The following HHIP variants were observed in gnomAD, a reference collection of about 807,000 sequenced individuals.
HHIP encodes hedgehog-interacting protein.
In HHIP, 12 loss-of-function variants were observed where a neutral mutation model predicts 74.0. The ratio of observed to expected loss-of-function variants is 0.16; its 90% confidence interval spans 0.10 to 0.26. The LOEUF is 0.26. Among genes scored for constraint, HHIP ranks in the 10% least tolerant of loss-of-function variants. The probability of loss-of-function intolerance (pLI) is 1.00; values close to 1 mark genes in which losing one functional copy is unlikely to be tolerated. For synonymous variants in HHIP, 309 were observed against 311.6 expected (o/e 0.99, Z 0.09); for missense variants, 788 against 845.0 (o/e 0.93, Z 0.84).
At chr4:144,651,493 T>C (rs1328190464) in intron 1 of HHIP, among the ~76,000 whole-genome samples, 1 of 152,088 alleles carries the variant, frequency 6.6e-6, no homozygotes, top group Non-Finnish European at 1.5e-5. Flanking sequence ...AATTTGTGAA[T>C]GGAATATTTG....
In HHIP at chr4:144,742,899, CTTTTTATATATATCTT is replaced by C. The variant is rs1363369735; in HGVS notation, c.*4943_*4958del. ...TTTTATATATATCTTATATATATAT[CTTTTTATATATATCTT>C]ATATATATATCTTTATATATATCTT... On this transcript the variant is annotated 3_prime_UTR_variant, in exon 13 of 13. Coordinates refer to ENST00000296575, the MANE Select transcript of HHIP (RefSeq NM_022475.3). 2 of 4,468 alleles carry C rather than the reference CTTTTTATATATATCTT, an allele frequency of 4.5e-4. No homozygotes were observed. The highest frequency in any genetic ancestry group is 0.014 in the Admixed American group (2 of 140). 0.3% of individuals were successfully genotyped at this position (4,468 alleles called of 1,614,324 possible).
rs961695321 is a variant in HHIP, at chr4:144,713,349, A to T, written c.1424-876A>T. Among the ~76,000 whole-genome samples the T allele has an allele frequency of 2.0e-5, 3 of 152,126 alleles. 1 individual carries two copies. Among genetic ancestry groups the T allele is most frequent in the Non-Finnish European group, 4.4e-5 (3 of 67,996 alleles). On this transcript the variant is annotated intron_variant, in intron 8 of 12. Transcript: ENST00000296575. ...CTACCTCTCAGTGTGCTCATTATTTAAAATTTCTCTTATCTTTTCTACTTT... is the reference window on the plus strand; with the variant it reads ...CTACCTCTCAGTGTGCTCATTATTTTAAATTTCTCTTATCTTTTCTACTTT...
chr4:144,658,124 C>T (rs1425430758), intron 2 of HHIP, among the ~76,000 whole-genome samples: 4 of 152,020 alleles, frequency 2.6e-5, no homozygotes. Context: ...GGAAAAAATG[C>T]TAAATACTGA....
intron 4 of HHIP, among the ~76,000 whole-genome samples, chr4:144,671,272 T>A (rs1346851306): frequency 1.3e-5 from 2 of 151,896 alleles, no homozygotes; most frequent in East Asian, 3.9e-4. Context: ...TTGCATAAAT[T>A]CCTTAATTGC....
At chr4:144,715,580 T>C (rs6537310) in intron 10 of HHIP, 150 bp downstream of exon 10, 368,878 of 622,800 alleles carry the variant, frequency 0.59, 109,706 homozygotes, top group South Asian at 0.77. Context: ...GAGATTAAGA[T>C]AGTCCAGTTA....
intron 2 of HHIP, among the ~76,000 whole-genome samples, chr4:144,657,694 G>A (rs1728592129): frequency 6.6e-6 from 1 of 152,098 alleles, no homozygotes; most frequent in Non-Finnish European, 1.5e-5. Context: ...AATATTTAAT[G>A]TGTAAGAAAA....
chr4:144,718,946 G>C lies in HHIP; in HGVS notation c.1750G>C (p.Asp584His). 6.3e-7 allele frequency: 1 copy of C among 1,591,976 alleles called. No individual in the cohort carries two copies. Among genetic ancestry groups the C allele is most frequent in the Non-Finnish European group, 8.6e-7 (1 of 1,160,114 alleles). ...CAATGGAAAACTCTACAAAATTGTAGATCCCAAAAGGTGAGATTTCCTTTT... is the reference window on the plus strand; with the variant it reads ...CAATGGAAAACTCTACAAAATTGTACATCCCAAAAGGTGAGATTTCCTTTT... ...THNGKLYKIV[D>H]PKRPLMPEEC... Residue 584 changes from aspartate (D) to histidine (H), a missense_variant, in exon 11 of 13, where the codon GAT (aspartate) becomes CAT (histidine). By Grantham distance (81) the Asp-to-His change is moderately conservative. Transcript: ENST00000296575.
chr4:144,720,901 G>T (rs904036266), intron 11 of HHIP, among the ~76,000 whole-genome samples: 5 of 152,114 alleles, frequency 3.3e-5, no homozygotes, highest in Non-Finnish European at 5.9e-5. Context: ...ACTTAAGTAT[G>T]TGAACAGGAT....
intron 4 of HHIP, among the ~76,000 whole-genome samples, chr4:144,665,189 C>A (rs1459575126): frequency 1.3e-5 from 2 of 152,108 alleles, no homozygotes; most frequent in African/African-American, 4.8e-5. Flanking sequence ...CTGCCTCAGC[C>A]TTCTGAGTAG....
At chr4:144,662,263 A>ATTC (rs368309443) in intron 4 of HHIP, among the ~76,000 whole-genome samples, 6 of 152,210 alleles carry the variant, frequency 3.9e-5, no homozygotes, top group African/African-American at 1.4e-4. Flanking sequence ...ACCAACTCTG[A>ATTC]TTCTTATAAG....
chr4:144,709,336 C>A (rs1253062106), intron 7 of HHIP, among the ~76,000 whole-genome samples: 2 of 152,084 alleles, frequency 1.3e-5, no homozygotes, highest in Non-Finnish European at 2.9e-5. Flanking sequence ...CATTCCATTC[C>A]TAGAGCTCAG....
intron 4 of HHIP, among the ~76,000 whole-genome samples, chr4:144,684,328 G>A (rs1304608878): frequency 1.7e-5 from 2 of 117,454 alleles, no homozygotes; most frequent in Non-Finnish European, 3.2e-5. Context: ...GCGCGATCTC[G>A]GCTCACTGCA....
Position 144,681,624 on chromosome 4 carries a change from C to T in HHIP, c.831+21786C>T, listed in dbSNP as rs187417439. On this transcript the variant is annotated intron_variant, in intron 4 of 12. Coordinates refer to ENST00000296575, the MANE Select transcript of HHIP (RefSeq NM_022475.3). ...ATTTTTAATAGAGCTGGGGTTTCAC[C>T]CTGTTGGTCAGGATGGTCTTGATCT... 3.4e-4 allele frequency among the ~76,000 whole-genome samples: 52 copies of T among 152,172 alleles called. 1 individual carries two copies. In the East Asian group the frequency reaches 7.0e-3, roughly 20 times the overall value.
At chr4:144,702,931 T>C (rs1430138124) in intron 4 of HHIP, among the ~76,000 whole-genome samples, 1 of 152,138 alleles carries the variant, frequency 6.6e-6, no homozygotes, top group Non-Finnish European at 1.5e-5. Context: ...AAGTATAATG[T>C]TAGGGCTAGG....
chr4:144,717,478 A>C (rs887100253), intron 10 of HHIP, among the ~76,000 whole-genome samples: 14 of 152,220 alleles, frequency 9.2e-5, no homozygotes, highest in African/African-American at 3.4e-4. Context: ...GCACAATAAT[A>C]AGAGAAATAT....
chr4:144,698,224 G>A (rs913379762), intron 4 of HHIP, among the ~76,000 whole-genome samples: 3 of 152,120 alleles, frequency 2.0e-5, no homozygotes, highest in Admixed American at 2.0e-4. Context: ...CAGGTGTGAT[G>A]GAGTGTGATG....
At chr4:144,663,592 A>C (rs1728775440) in intron 4 of HHIP, among the ~76,000 whole-genome samples, 1 of 152,176 alleles carries the variant, frequency 6.6e-6, no homozygotes, top group Non-Finnish European at 1.5e-5. Context: ...TATATTACTT[A>C]TCCAACTTGA....
intron 11 of HHIP, among the ~76,000 whole-genome samples, chr4:144,725,325 C>T (rs542534076): frequency 9.9e-5 from 15 of 152,126 alleles, no homozygotes; most frequent in Non-Finnish European, 1.3e-4. Flanking sequence ...TTTTGTCAAC[C>T]GTGACAAATG....
chr4:144,699,378 A>C (rs566698451), intron 4 of HHIP, among the ~76,000 whole-genome samples: 1 of 152,244 alleles, frequency 6.6e-6, no homozygotes, highest in Non-Finnish European at 1.5e-5. Flanking sequence ...TGCTGTACAG[A>C]GCTCCCCTGC....
Sources: allele counts gnomAD v4.1 joint callset (sites outside exome capture counted in the v4.1 genomes callset), GRCh38; gene constraint gnomAD v4.1.1; transcripts MANE v1.5; gene names NCBI Gene and HGNC (gene_info 2026-07-23, HGNC 2026-07-21).